The following FBXL19 variants were observed in gnomAD, a reference collection of about 807,000 sequenced individuals.
FBXL19 encodes the protein F-box and leucine rich repeat protein 19, also known as F-box/LRR-repeat protein 19.
FBXL19 carries 16 observed loss-of-function variants against 71.2 expected under a neutral mutation model. The observed-to-expected ratio is 0.22, with a 90% CI of 0.15 to 0.34. The LOEUF is 0.34. Ranked by LOEUF, FBXL19 falls within the 10% of genes least tolerant of loss-of-function variation. The pLI is 1.00. For synonymous variants in FBXL19, 447 were observed against 409.4 expected (o/e 1.09, Z -1.11); for missense variants, 658 against 968.2 (o/e 0.68, Z 4.25).
chr16:30,942,605 C>T lies in FBXL19; in HGVS notation c.1627+69C>T. 6.8e-7 allele frequency: 1 copy of T among 1,463,994 alleles called. No individual in the cohort carries two copies. The highest frequency in any genetic ancestry group is 9.0e-7 in the Non-Finnish European group (1 of 1,107,996). The allele number at this position is 1,463,994 out of a possible 1,614,324, so 90.7% of individuals were successfully genotyped here. The stretch of plus-strand genomic sequence containing the variant: ...GTAGGGTAGGAGGCCTCTCAGGTCT[C>T]TTCTGACTCATGCTGGATGGTAAAG... On this transcript the variant is annotated intron_variant, in intron 9 of 10. Transcript: ENST00000338343. The surrounding 1 kb of genome is among the most constrained non-coding windows in gnomAD (Gnocchi z 5.7).
chr16:30,924,844 G>A (rs1167602257), intron 1 of FBXL19: 1 of 1,203,918 alleles, frequency 8.3e-7, no homozygotes, highest in Non-Finnish European at 1.1e-6. Context: ...TTCCATGGGA[G>A]GGGGAGCCCA....
At chr16:30,935,447 G>C (rs2055721852) in intron 7 of FBXL19, among the ~76,000 whole-genome samples, 1 of 152,206 alleles carries the variant, frequency 6.6e-6, no homozygotes, top group Non-Finnish European at 1.5e-5. Context: ...TAAGAGTGAA[G>C]AGTGAAGAGT....
Position 30,947,545 on chromosome 16 carries a change from G to T in FBXL19, c.*315G>T. On this transcript the variant is annotated 3_prime_UTR_variant, in exon 11 of 11. Transcript: ENST00000338343. ...GGAGGGGGGTTATGGTGCAAGTGTT[G>T]GGGGGGAGAATGGGGAAAGGACACA... 2.7e-6 allele frequency: 1 copy of T among 369,842 alleles called. No individual in the cohort carries two copies. The allele number at this position is 369,842 out of a possible 1,614,324, so 22.9% of individuals were successfully genotyped here. A position where few individuals can be genotyped will look rare whatever the true frequency, so the allele number is the denominator to read the frequency against.
In FBXL19 at chr16:30,942,968, T is replaced by C. The variant is rs1372392825; in HGVS notation, c.1627+432T>C. ...TGAGAGCAGCCCGCCAGCATAATAC[T>C]GGGCAATTGTGGAGTGCCTTGATGC... is the stretch of plus-strand genomic sequence containing the variant. On this transcript the variant is annotated intron_variant, in intron 9 of 10. Transcript: ENST00000338343. This position sits in a 1 kb window ranked among gnomAD's most constrained non-coding sequence, Gnocchi z 5.7. Among the ~76,000 whole-genome samples the C allele has an allele frequency of 3.9e-5, 6 of 152,226 alleles. No individual in the cohort carries two copies.
chr16:30,931,061 CT>C (rs1000474124), intron 7 of FBXL19, among the ~76,000 whole-genome samples: 1 of 152,152 alleles, frequency 6.6e-6, no homozygotes, highest in Admixed American at 6.5e-5. Flanking sequence ...TGGGCTGCCC[CT>C]GCCCTCGAAA....
chr16:30,944,575 T>C (rs891352756), intron 9 of FBXL19, among the ~76,000 whole-genome samples: 1 of 152,220 alleles, frequency 6.6e-6, no homozygotes, highest in African/African-American at 2.4e-5. Flanking sequence ...CACATTTTCT[T>C]TATTCATTCT....
At chr16:30,928,143 G>GC (rs2055622035) in intron 5 of FBXL19, among the ~76,000 whole-genome samples, 180 bp downstream of exon 5, 1 of 147,788 alleles carries the variant, frequency 6.8e-6, no homozygotes, top group African/African-American at 2.6e-5. Flanking sequence ...GTGTGGAGGA[G>GC]GGGGGGGACA....
chr16:30,938,665 CTTGCTCTG>C (rs1260074884), intron 7 of FBXL19, among the ~76,000 whole-genome samples: 3 of 152,118 alleles, frequency 2.0e-5, no homozygotes, highest in African/African-American at 7.2e-5. Flanking sequence ...GAGATGGAGT[CTTGCTCTG>C]TCGCCCAGGC....
chr16:30,929,394 G>A (rs888081170), intron 6 of FBXL19, among the ~76,000 whole-genome samples: 2 of 152,120 alleles, frequency 1.3e-5, no homozygotes, highest in East Asian at 1.9e-4. Flanking sequence ...ATAGACAGAC[G>A]CCTGCTCCAG....
chr16:30,927,192 C>A (rs1016293650), intron 2 of FBXL19, 116 bp from the exon 3 acceptor site: 9 of 1,087,348 alleles, frequency 8.3e-6, no homozygotes, highest in Admixed American at 3.0e-5. Context: ...GGATCAGACC[C>A]AGCTTGACCC....
chr16:30,928,290 G>C (rs1266528887), intron 5 of FBXL19, among the ~76,000 whole-genome samples, 177 bp from the exon 6 acceptor site: 1 of 151,876 alleles, frequency 6.6e-6, no homozygotes, highest in Non-Finnish European at 1.5e-5. Flanking sequence ...AAGAGGAGAT[G>C]GAGCATGCTC....
chr16:30,924,618 G>A, intron 1 of FBXL19, 159 bp downstream of exon 1: 1 of 1,370,656 alleles, frequency 7.3e-7, no homozygotes, highest in Non-Finnish European at 9.4e-7. Flanking sequence ...TCCACCCTGG[G>A]GAACTGGCCC....
Position 30,930,569 on chromosome 16 carries a change from G to T in FBXL19, c.1286G>T (p.Arg429Leu). The T allele has an allele frequency of 6.9e-7, 1 of 1,457,814 alleles. No individual in the cohort carries two copies. The highest frequency in any genetic ancestry group is 9.0e-7 in the Non-Finnish European group (1 of 1,109,904). 90.3% of individuals were successfully genotyped at this position (1,457,814 alleles called of 1,614,324 possible). A position where few individuals can be genotyped will look rare whatever the true frequency, so the allele number is the denominator to read the frequency against. Residue 429 changes from arginine to leucine, a missense_variant, in exon 7 of 11, where the codon CGA becomes CTA. Transcript: ENST00000338343. This position sits in a 1 kb window ranked among gnomAD's most constrained non-coding sequence, Gnocchi z 8.5. ...CTGTGTATCTGCATGCGAGTCTGCC[G>T]AACTTGGAGCCGCTGGTGAGTGGCC... is the stretch of plus-strand genomic sequence containing the variant. Reference protein sequence around the residue: ...RELCICMRVCRTWSRWCYDKR... With the variant: ...RELCICMRVCLTWSRWCYDKR...
rs1293031567 is a variant in FBXL19 at position 30,947,695 on chromosome 16, C to G, written c.*465C>G. ...GGAGTGGGGGGTGGGGGTGGGGCCA[C>G]AAAAGGAAAACCGGAGGAGCAATTG... is the stretch of plus-strand genomic sequence containing the variant. On this transcript the variant is annotated 3_prime_UTR_variant, in exon 11 of 11. Transcript: ENST00000338343. The G allele has an allele frequency of 5.9e-6, 2 of 337,062 alleles. No individual in the cohort carries two copies. Among genetic ancestry groups the G allele is most frequent in the African/African-American group, 2.2e-5 (1 of 45,184 alleles). The allele number at this position is 337,062 out of a possible 1,614,324, so 20.9% of individuals were successfully genotyped here.
Position 30,947,627 on chromosome 16 carries a change from A to G in FBXL19, c.*397A>G. The stretch of plus-strand genomic sequence containing the variant: ...GTGGAAGGGGCGGGGGGCGGGGCAG[A>G]CAGCAGACCACCAAGGGTTCAGGGA... On this transcript the variant is annotated 3_prime_UTR_variant, in exon 11 of 11. Transcript: ENST00000338343. The G allele has an allele frequency of 6.6e-6, 2 of 301,668 alleles. No individual in the cohort carries two copies. The highest frequency in any genetic ancestry group is 2.5e-5 in the South Asian group (1 of 39,744). The allele number at this position is 301,668 out of a possible 1,614,324, so 18.7% of individuals were successfully genotyped here.
chr16:30,930,045 G>T lies in FBXL19; in HGVS notation c.790-28G>T. 6.3e-7 allele frequency: 1 copy of T among 1,598,366 alleles called. No individual in the cohort carries two copies. The highest frequency in any genetic ancestry group is 1.1e-5 in the South Asian group (1 of 89,390). Reference sequence around the variant, plus strand: ...GTGGGAAAATGTATCCCAGGCCCTAGAACAGCATCAACCCTGTCTCCCTGC... The same window carrying T: ...GTGGGAAAATGTATCCCAGGCCCTATAACAGCATCAACCCTGTCTCCCTGC... On this transcript the variant is annotated intron_variant, in intron 6 of 10. Coordinates refer to ENST00000338343, the MANE Select transcript of FBXL19 (RefSeq NM_001382779.1). The surrounding 1 kb of genome is among the most constrained non-coding windows in gnomAD (Gnocchi z 8.5).
rs1051746225 is a variant in FBXL19 at position 30,929,982 on chromosome 16, G to A, written c.790-91G>A. On this transcript the variant is annotated intron_variant, in intron 6 of 10. Coordinates refer to ENST00000338343, the MANE Select transcript of FBXL19 (RefSeq NM_001382779.1). ...GGGCTGGAACTCAGGACTGTCCCTCGGGCTGTTCATCCCCTGGTGACTCCT... is the reference window on the plus strand; with the variant it reads ...GGGCTGGAACTCAGGACTGTCCCTCAGGCTGTTCATCCCCTGGTGACTCCT... The A allele has an allele frequency of 1.5e-5, 22 of 1,501,830 alleles. No individual in the cohort carries two copies. The African/African-American group carries it at 1.8e-4, about 12-fold the overall frequency. 93.0% of individuals were successfully genotyped at this position (1,501,830 alleles called of 1,614,324 possible).
At chr16:30,933,756 CT>C (rs1029185414) in intron 7 of FBXL19, among the ~76,000 whole-genome samples, 181 of 139,272 alleles carry the variant, frequency 1.3e-3, no homozygotes, top group South Asian at 1.4e-3. Context: ...CGGCCAAGAA[CT>C]TTTTTTTTTT....
chr16:30,947,108 C>T lies in FBXL19; in HGVS notation c.1903C>T (p.Arg635Cys), dbSNP rs2055868439. The change falls in exon 11 of 11, where the codon CGC becomes TGC. Residue 635 changes from arginine (R) to cysteine (C), a missense_variant. Arg to Cys is a radical substitution (Grantham distance 180). Around this residue, in one of 8 missense-constraint regions of FBXL19, gnomAD observed 69 missense variants for 177.8 expected, o/e 0.39. Transcript: ENST00000338343. ...GCTGTTCCGCCGCTGCCCTCGTCTA[C>T]GCCGCCTAGACCTGCGCTCCTGCCG... ...LPLFRRCPRL[R>C]RLDLRSCRQL... The T allele has an allele frequency of 1.3e-6, 2 of 1,599,154 alleles. No individual in the cohort carries two copies. The highest frequency in any genetic ancestry group is 8.5e-7 in the Non-Finnish European group (1 of 1,178,352).
Sources: allele counts gnomAD v4.1 joint callset (sites outside exome capture counted in the v4.1 genomes callset), GRCh38; gene constraint gnomAD v4.1.1; regional missense constraint gnomAD v4.1.1; non-coding constraint Gnocchi (gnomAD v3.1); transcripts MANE v1.5; gene names NCBI Gene and HGNC (gene_info 2026-07-23, HGNC 2026-07-21).